CREB5: variants seen among roughly 807,000 people sequenced by gnomAD.
CREB5 encodes the protein cyclic AMP-responsive element-binding protein 5.
CREB5 carries 19 observed loss-of-function variants against 57.1 expected under a neutral mutation model. The observed-to-expected ratio is 0.33, with a 90% CI of 0.23 to 0.49. The LOEUF (loss-of-function observed/expected upper bound fraction) is 0.49. CREB5 is among the 20% of genes least tolerant of loss of function. CREB5 has a pLI of 0.99. For synonymous variants in CREB5, 238 were observed against 238.3 expected, an observed-to-expected ratio of 1.00 and a Z score of 0.01; for missense variants, 579 against 671.6, an observed-to-expected ratio of 0.86 and a Z score of 1.52.
chr7:28,551,683 G>C (rs920598532), intron 4 of CREB5, among the ~76,000 whole-genome samples: 1 of 152,148 alleles, frequency 6.6e-6, no homozygotes, highest in East Asian at 1.9e-4. Flanking sequence ...GACCAAGGTT[G>C]CTTGGTGAGT....
chr7:28,492,844 A>G (rs1013867238), intron 2 of CREB5, among the ~76,000 whole-genome samples: 7 of 151,772 alleles, frequency 4.6e-5, no homozygotes, highest in African/African-American at 1.4e-4. Flanking sequence ...CGGAAAGACT[A>G]GGCAACTCAG....
chr7:28,313,725 A>G (rs193043370), intron 1 of CREB5, among the ~76,000 whole-genome samples: 2 of 152,336 alleles, frequency 1.3e-5, no homozygotes, highest in African/African-American at 2.4e-5. Flanking sequence ...GGACAACTCA[A>G]TACCCCTTCA....
intron 5 of CREB5, among the ~76,000 whole-genome samples, chr7:28,715,402 T>C (rs1177378583): frequency 6.6e-6 from 1 of 152,158 alleles, no homozygotes; most frequent in African/African-American, 2.4e-5. Flanking sequence ...GCACATGAAG[T>C]TAGGGACAAT....
At chr7:28,488,868 G>A (rs1241021377) in intron 2 of CREB5, among the ~76,000 whole-genome samples, 2 of 152,184 alleles carry the variant, frequency 1.3e-5, no homozygotes, top group Admixed American at 1.3e-4. Flanking sequence ...TTAACATAGG[G>A]TCTGCACACA....
At chr7:28,737,574 TATATATATATATA>T (rs1562606782) in intron 7 of CREB5, among the ~76,000 whole-genome samples, 27 of 34,198 alleles carry the variant, frequency 7.9e-4, no homozygotes, top group African/African-American at 2.2e-3. Context: ...TATATATATA[TATATATATATATA>T]TTTTTAACTC....
At chr7:28,405,438 G>T (rs1365330155) in intron 1 of CREB5, among the ~76,000 whole-genome samples, 3 of 152,042 alleles carry the variant, frequency 2.0e-5, no homozygotes, top group Admixed American at 6.5e-5. Flanking sequence ...TTGAAACAGG[G>T]TCTCACTCTA....
At position 28,647,038 on chromosome 7, in the gene CREB5, G is replaced by T. The variant is rs536517016; in HGVS notation, c.465-71715G>T. 9.9e-5 allele frequency among the ~76,000 whole-genome samples: 15 copies of T among 152,056 alleles called. No homozygotes were observed. The South Asian group carries it at 3.1e-3, about 32-fold the overall frequency. ...TGTATCTTGGTAATGAGAAGAAAAA[G>T]CTTACTCCTATTAAGCAGAAAAGGG... On this transcript the variant is annotated intron_variant, in intron 5 of 10. Coordinates refer to ENST00000357727, the MANE Select transcript of CREB5 (RefSeq NM_182898.4).
rs150804312 is a variant in CREB5, at chr7:28,466,404, G to A, written c.4-21771G>A. ...TGGGGGTGGTGGAAAGCCTGTAGGC[G>A]TTGCAGTTGGCAGATGTGTGTTTGG... is the stretch of plus-strand genomic sequence containing the variant. On this transcript the variant is annotated intron_variant, in intron 1 of 10. Transcript: ENST00000357727. Among the ~76,000 whole-genome samples the A allele has an allele frequency of 1.1e-3, 166 of 152,260 alleles. 2 individuals carry two copies. Among genetic ancestry groups the A allele is most frequent in the Middle Eastern group, 6.8e-3 (2 of 294 alleles).
At chr7:28,581,604 C>T (rs543462005) in intron 5 of CREB5, among the ~76,000 whole-genome samples, 1 of 152,242 alleles carries the variant, frequency 6.6e-6, no homozygotes, top group South Asian at 2.1e-4. Context: ...GTTTGTAGCT[C>T]AAGTGGTTGA....
chr7:28,556,304 A>C (rs962646259), intron 4 of CREB5, among the ~76,000 whole-genome samples: 3 of 152,200 alleles, frequency 2.0e-5, no homozygotes, highest in Non-Finnish European at 2.9e-5. Flanking sequence ...GAATGTAGAC[A>C]GATAGGAAGC....
intron 7 of CREB5, among the ~76,000 whole-genome samples, chr7:28,796,662 G>A (rs901161555): frequency 6.6e-6 from 1 of 152,188 alleles, no homozygotes; most frequent in Non-Finnish European, 1.5e-5. Context: ...TCTCTGCAAT[G>A]ATAACTTTTC....
intron 5 of CREB5, among the ~76,000 whole-genome samples, chr7:28,676,549 C>T (rs1158105451): frequency 6.6e-6 from 1 of 152,144 alleles, no homozygotes; most frequent in African/African-American, 2.4e-5. Context: ...TTTCTCCTCT[C>T]AAGTGCTGTA....
intron 1 of CREB5, among the ~76,000 whole-genome samples, chr7:28,316,375 C>T (rs764705068): frequency 1.5e-4 from 22 of 151,570 alleles, no homozygotes; most frequent in Admixed American, 8.5e-4. Flanking sequence ...AAAGCTGGCC[C>T]GGGGACACTG....
At chr7:28,712,686 A>G (rs1280115437) in intron 5 of CREB5, among the ~76,000 whole-genome samples, 1 of 151,486 alleles carries the variant, frequency 6.6e-6, no homozygotes, top group East Asian at 2.0e-4. Flanking sequence ...GGTGCCCACC[A>G]CCACATCTGG....
At chr7:28,488,648 G>C (rs1356520280) in intron 2 of CREB5, among the ~76,000 whole-genome samples, 1 of 152,082 alleles carries the variant, frequency 6.6e-6, no homozygotes, top group African/African-American at 2.4e-5. Context: ...TAACACCATA[G>C]GTTAAATTTT....
intron 5 of CREB5, among the ~76,000 whole-genome samples, chr7:28,659,679 T>G (rs749521410): frequency 6.6e-6 from 1 of 152,230 alleles, no homozygotes; most frequent in Non-Finnish European, 1.5e-5. Context: ...CTAGATTAAT[T>G]TGAATTAAAT....
intron 4 of CREB5, among the ~76,000 whole-genome samples, chr7:28,557,220 A>T (rs1794914569): frequency 1.6e-5 from 2 of 128,418 alleles, no homozygotes; most frequent in African/African-American, 2.8e-5. Flanking sequence ...CAGTCTTCTC[A>T]GACTAAAGCA....
chr7:28,454,474 G>A (rs767555705), intron 1 of CREB5, among the ~76,000 whole-genome samples: 3 of 152,114 alleles, frequency 2.0e-5, no homozygotes, highest in East Asian at 1.9e-4. Flanking sequence ...ATTCCTCAGG[G>A]CATTCCCCCA....
intron 7 of CREB5, among the ~76,000 whole-genome samples, chr7:28,782,167 T>G (rs1181710633): frequency 6.6e-6 from 1 of 152,196 alleles, no homozygotes; most frequent in Non-Finnish European, 1.5e-5. Flanking sequence ...ACATCACATC[T>G]GTCTGTCCTT....
Sources: gnomAD v4.1 joint callset for allele counts (sites outside exome capture counted in the v4.1 genomes callset) on GRCh38, gnomAD v4.1.1 for gene constraint, MANE v1.5 for transcripts, NCBI Gene and HGNC (gene_info 2026-07-23, HGNC 2026-07-21) for gene names.